Variants in ZNF664 observed in about 807,000 individuals in gnomAD.
The protein encoded by ZNF664 is zinc finger protein 664.
Under a neutral mutation model 18.2 loss-of-function variants are expected in ZNF664, and 10 were observed. The observed-to-expected ratio is 0.55, with a 90% CI of 0.34 to 0.93. The LOEUF (loss-of-function observed/expected upper bound fraction) is 0.93, where lower values mean the gene tolerates loss of function less well. ZNF664 is among the 40% of genes least tolerant of loss of function. ZNF664 has a pLI of 0.02. For synonymous variants in ZNF664, 119 were observed against 104.2 expected, an observed-to-expected ratio of 1.14 and a Z score of -0.86; for missense variants, 193 against 319.0, an observed-to-expected ratio of 0.61 and a Z score of 3.01.
In ZNF664 at chr12:124,014,315, A is replaced by G. The variant is rs1300402803; in HGVS notation, c.*1385A>G. ...CTCTGGGGGATGAGCTGGTGCGTTT[A>G]AGGAACAGGCCAGCACTGGCATTCG... On this transcript the variant is annotated 3_prime_UTR_variant, in exon 5 of 5. Transcript: ENST00000337815. The G allele has an allele frequency of 1.8e-5, 3 of 167,064 alleles. No individual in the cohort carries two copies. The highest frequency in any genetic ancestry group is 7.2e-5 in the African/African-American group (3 of 41,400). The allele number at this position is 167,064 out of a possible 1,614,324, so 10.3% of individuals were successfully genotyped here.
chr12:123,973,822 A>T (rs1265242382), intron 1 of ZNF664, 64 bp from the exon 2 acceptor site: 2 of 1,179,242 alleles, frequency 1.7e-6, no homozygotes, highest in East Asian at 6.3e-5. Flanking sequence ...TGGCCGCGCC[A>T]GGGGACCGGG....
intron 3 of ZNF664, among the ~76,000 whole-genome samples, chr12:124,004,538 T>C (rs1278770121): frequency 6.6e-6 from 1 of 152,256 alleles, no homozygotes; most frequent in Non-Finnish European, 1.5e-5. Context: ...TGTTGTATTC[T>C]TTCTTACGGC....
At chr12:123,994,161 CTCACT>C (rs879658971) in intron 3 of ZNF664, among the ~76,000 whole-genome samples, 4,134 of 151,966 alleles carry the variant, frequency 0.027, 176 homozygotes, top group African/African-American at 0.093. Flanking sequence ...ATGGAAATTA[CTCACT>C]ACACATAAGT....
intron 2 of ZNF664, among the ~76,000 whole-genome samples, chr12:123,987,585 G>A (rs1956840113): frequency 1.3e-5 from 2 of 152,192 alleles, no homozygotes; most frequent in Non-Finnish European, 1.5e-5. Flanking sequence ...CAGGTATGCA[G>A]TAGGGCCAGG....
chr12:124,003,026 CCCTGTCTTGGGGCCCTGT>C (rs1206013008), intron 3 of ZNF664, among the ~76,000 whole-genome samples: 3 of 152,118 alleles, frequency 2.0e-5, no homozygotes, highest in Admixed American at 2.0e-4. Context: ...GTGTTTCCAG[CCCTGTCTTGGGGCCCTGT>C]CCTGACAGAG....
Position 123,992,969 on chromosome 12 carries a change from A to G in ZNF664, c.-661+4831A>G, listed in dbSNP as rs550872001. Among the ~76,000 whole-genome samples, 72 of 152,310 alleles carry G rather than the reference A, an allele frequency of 4.7e-4. 2 individuals are homozygous for G. Among genetic ancestry groups the G allele is most frequent in the East Asian group, 7.7e-4 (4 of 5,178 alleles). ...TAACTGAACTCGGCCCAGAAAGACA[A>G]AGAAACCCAGATTCACTTCTGTGAG... On this transcript the variant is annotated intron_variant, in intron 3 of 4. Coordinates refer to ENST00000337815, the MANE Select transcript of ZNF664 (RefSeq NM_152437.3).
At chr12:123,998,617 C>T (rs937280681) in intron 3 of ZNF664, 1 of 152,314 alleles carries the variant, frequency 6.6e-6, no homozygotes, top group African/African-American at 2.4e-5. Flanking sequence ...TCTTCATTAC[C>T]ATGCTGAGAC....
At chr12:124,005,531 T>G (rs1483358467) in intron 3 of ZNF664, among the ~76,000 whole-genome samples, 7 of 111,386 alleles carry the variant, frequency 6.3e-5, no homozygotes, top group African/African-American at 1.1e-4. Context: ...GTGTGAGAGA[T>G]AGGCCAGCAT....
chr12:123,973,992 A>T lies in ZNF664; in HGVS notation c.-785A>T. 1.6e-6 allele frequency: 2 copies of T among 1,231,866 alleles called. No homozygotes were observed. Among genetic ancestry groups the T allele is most frequent in the Non-Finnish European group, 2.0e-6 (2 of 988,102 alleles). The allele number at this position is 1,231,866 out of a possible 1,614,324, so 76.3% of individuals were successfully genotyped here. ...TGCCGCCGGACGCCTCCATTGTTTG[A>T]CCACAACAAGGGCCGGATTCTCACC... On this transcript the variant is annotated 5_prime_UTR_variant, in exon 2 of 5. An upstream open reading frame in the 5' UTR loses its in-frame stop. Transcript: ENST00000337815.
Position 123,988,097 on chromosome 12 carries a change from GTTC to G in ZNF664, c.-697_-695del. On this transcript the variant is annotated 5_prime_UTR_variant, in exon 3 of 5. Transcript: ENST00000337815. Reference sequence around the variant, plus strand: ...GCCACTGTGGGCCCTGCCTCTGCCTGTTCTTCTGGAATGTCTTGGGGGTTTTGA... The same window carrying G: ...GCCACTGTGGGCCCTGCCTCTGCCTGTTCTGGAATGTCTTGGGGGTTTTGA... 1 of 1,231,558 alleles carries G rather than the reference GTTC, an allele frequency of 8.1e-7. No individual in the cohort carries two copies. Among genetic ancestry groups the G allele is most frequent in the Middle Eastern group, 3.1e-4 (1 of 3,206 alleles). 76.3% of individuals were successfully genotyped at this position (1,231,558 alleles called of 1,614,324 possible). A position where few individuals can be genotyped will look rare whatever the true frequency, so the allele number is the denominator to read the frequency against.
At chr12:123,996,736 G>C (rs2138396063) in intron 3 of ZNF664, among the ~76,000 whole-genome samples, 1 of 152,324 alleles carries the variant, frequency 6.6e-6, no homozygotes. Flanking sequence ...TGGCCAATTA[G>C]ATTGCAGGGC....
intron 2 of ZNF664, among the ~76,000 whole-genome samples, chr12:123,983,224 C>T (rs997230891): frequency 3.9e-5 from 6 of 152,096 alleles, no homozygotes; most frequent in African/African-American, 1.4e-4. Flanking sequence ...GAACCAATGG[C>T]TATGATTACT....
intron 2 of ZNF664, among the ~76,000 whole-genome samples, chr12:123,979,794 G>C (rs1956740178): frequency 6.6e-6 from 1 of 151,972 alleles, no homozygotes; most frequent in Admixed American, 6.6e-5. Flanking sequence ...ATCTGCCTCA[G>C]CCTCTCAAGT....
rs1446057017 is a variant in ZNF664 at position 123,974,027 on chromosome 12, C to T, written c.-757+7C>T. 2.0e-6 allele frequency: 2 copies of T among 1,004,132 alleles called. No homozygotes were observed. The highest frequency in any genetic ancestry group is 3.4e-5 in the African/African-American group (2 of 58,958). The allele number at this position is 1,004,132 out of a possible 1,614,324, so 62.2% of individuals were successfully genotyped here. A position where few individuals can be genotyped will look rare whatever the true frequency, so the allele number is the denominator to read the frequency against. On this transcript the variant is annotated splice_region_variant and intron_variant, in intron 2 of 4. Coordinates refer to ENST00000337815, the MANE Select transcript of ZNF664 (RefSeq NM_152437.3). ...GGGCCGGATTCTCACCCAGGTAAAC[C>T]GGCTGCCGGCGCTGTCCACTTCCCT...
chr12:124,010,450 T>G (rs1957122940), intron 3 of ZNF664, among the ~76,000 whole-genome samples: 1 of 152,178 alleles, frequency 6.6e-6, no homozygotes, highest in Admixed American at 6.5e-5. Flanking sequence ...ATTTTGAGAT[T>G]TATTTTCTTC....
chr12:124,014,849 A>C lies in ZNF664; in HGVS notation c.*1919A>C, dbSNP rs1957174122. On this transcript the variant is annotated 3_prime_UTR_variant, in exon 5 of 5. Transcript: ENST00000337815. The stretch of plus-strand genomic sequence containing the variant: ...AACTAGAGATGGGATTTGGGGGTGA[A>C]TTTGTCAATATCTGGATTTTAATCC... The C allele has an allele frequency of 6.0e-6, 1 of 166,364 alleles. No homozygotes were observed. Among genetic ancestry groups the C allele is most frequent in the Non-Finnish European group, 1.5e-5 (1 of 68,118 alleles). 10.3% of individuals were successfully genotyped at this position (166,364 alleles called of 1,614,324 possible).
chr12:123,986,117 G>T (rs1044327874), intron 2 of ZNF664, among the ~76,000 whole-genome samples: 1 of 152,052 alleles, frequency 6.6e-6, no homozygotes, highest in Admixed American at 6.5e-5. Context: ...GTCTGGCGGG[G>T]GGCTGGAGGG....
chr12:124,011,106 C>T (rs1957131390), intron 3 of ZNF664, among the ~76,000 whole-genome samples: 1 of 152,194 alleles, frequency 6.6e-6, no homozygotes, highest in African/African-American at 2.4e-5. Context: ...CTTATTCTTT[C>T]TATAGATTAG....
At chr12:124,010,035 G>C (rs1432839488) in intron 3 of ZNF664, among the ~76,000 whole-genome samples, 1 of 152,010 alleles carries the variant, frequency 6.6e-6, no homozygotes. Context: ...TTGCAGTTTT[G>C]CTGCCAAATA....
Sources: allele counts gnomAD v4.1 joint callset (sites outside exome capture counted in the v4.1 genomes callset), GRCh38; gene constraint gnomAD v4.1.1; transcripts MANE v1.5; gene names NCBI Gene and HGNC (gene_info 2026-07-23, HGNC 2026-07-21).